Variants in TTC39A observed in about 807,000 individuals in gnomAD.
TTC39A encodes the protein tetratricopeptide repeat domain 39A.
A neutral mutation model predicts 82.3 loss-of-function variants in TTC39A; 46 were observed. The ratio of observed to expected loss-of-function variants is 0.56; its 90% CI spans 0.44 to 0.71. The LOEUF (loss-of-function observed/expected upper bound fraction) is 0.71. TTC39A is among the 30% of genes least tolerant of loss of function. The pLI, the probability that TTC39A is intolerant of heterozygous loss-of-function variation, is 0.00. For synonymous variants in TTC39A, 254 were observed against 275.2 expected, an observed-to-expected ratio of 0.92 and a Z score of 0.76; for missense variants, 543 against 712.9, an observed-to-expected ratio of 0.76 and a Z score of 2.71.
rs375908904 is a variant in TTC39A, at chr1:51,312,145, C to T, written c.329G>A (p.Arg110His). The change falls in exon 4 of 18, where the codon CGC becomes CAC. Residue 110 changes from arginine to histidine, a missense_variant. By Grantham distance (29) the Arg-to-His change is conservative. Coordinates refer to ENST00000680483, the MANE Select transcript of TTC39A (RefSeq NM_001297663.2). Reference sequence around the variant, plus strand: ...TTCAGTGAATTGGCCCAGCGTGGGGCGGTTCACCAGGCTGCTGAAGGAATC... The same window carrying T: ...TTCAGTGAATTGGCCCAGCGTGGGGTGGTTCACCAGGCTGCTGAAGGAATC... Reference protein sequence around the residue: ...VTDSFSSLVNRPTLGQFTEEE... With the variant: ...VTDSFSSLVNHPTLGQFTEEE... 24 of 1,611,556 alleles carry T rather than the reference C, an allele frequency of 1.5e-5. No homozygotes were observed. Among genetic ancestry groups the T allele is most frequent in the Non-Finnish European group, 1.9e-5 (22 of 1,179,002 alleles).
intron 16 of TTC39A, among the ~76,000 whole-genome samples, chr1:51,289,408 C>T (rs1394808711): frequency 3.3e-5 from 5 of 152,290 alleles, no homozygotes; most frequent in African/African-American, 1.2e-4. Context: ...AATCTTTTCT[C>T]TCTATGACTT....
intron 12 of TTC39A, 69 bp downstream of exon 12, chr1:51,301,503 G>A (rs1644653008): frequency 6.7e-7 from 1 of 1,502,428 alleles, no homozygotes; most frequent in Admixed American, 2.0e-5. Flanking sequence ...TTAGGGATTT[G>A]GCCCGTGGTC....
rs1226073105 is a variant in TTC39A at position 51,321,828 on chromosome 1, G to T, written c.42-3C>A. ...CATGGAGGCTGCTCTCAGGAGTCCT[G>T]GGGGAAGAGATGCGGGGCATGACAC... On this transcript the variant is annotated splice_region_variant and splice_polypyrimidine_tract_variant and intron_variant, in intron 1 of 17. Coordinates refer to ENST00000680483, the MANE Select transcript of TTC39A (RefSeq NM_001297663.2). The surrounding 1 kb of genome is among the most constrained non-coding windows in gnomAD (Gnocchi z 4.6). The T allele has an allele frequency of 6.2e-7, 1 of 1,612,180 alleles. No individual in the cohort carries two copies. The highest frequency in any genetic ancestry group is 1.3e-5 in the African/African-American group (1 of 74,856).
intron 7 of TTC39A, 69 bp downstream of exon 7, chr1:51,305,908 A>G: frequency 1.3e-6 from 2 of 1,487,312 alleles, no homozygotes; most frequent in Admixed American, 1.7e-5. Context: ...GTGACCACAC[A>G]TGAGTCAGGG....
At chr1:51,344,039 A>C (rs1164414539) in intron 1 of TTC39A, among the ~76,000 whole-genome samples, 1 of 152,112 alleles carries the variant, frequency 6.6e-6, no homozygotes, top group Non-Finnish European at 1.5e-5. Context: ...CTTTGAGAGA[A>C]GTTGGGAGGT....
At chr1:51,311,743 G>A (rs752711016) in intron 4 of TTC39A, among the ~76,000 whole-genome samples, 4 of 152,176 alleles carry the variant, frequency 2.6e-5, no homozygotes, top group Non-Finnish European at 5.9e-5. Flanking sequence ...CCATTGACTC[G>A]GCTGCTGAAA....
intron 7 of TTC39A, 97 bp downstream of exon 7, chr1:51,305,880 G>T (rs991540114): frequency 2.5e-6 from 3 of 1,223,898 alleles, no homozygotes; most frequent in Non-Finnish European, 3.6e-6. Context: ...ACACAGCCAG[G>T]TGCAGGGGCA....
At chr1:51,312,531 A>T (rs1569903034) in intron 3 of TTC39A, among the ~76,000 whole-genome samples, 2 of 151,824 alleles carry the variant, frequency 1.3e-5, no homozygotes, top group Admixed American at 6.6e-5. Context: ...TCCTCTCCTT[A>T]ATGTCTCTTC....
At chr1:51,325,384 C>T (rs1183767230) in intron 1 of TTC39A, among the ~76,000 whole-genome samples, 1 of 152,210 alleles carries the variant, frequency 6.6e-6, no homozygotes, top group African/African-American at 2.4e-5. Context: ...GGTCCCTGCC[C>T]CTCTCTTCAG....
intron 1 of TTC39A, among the ~76,000 whole-genome samples, chr1:51,342,307 C>T (rs533829360): frequency 1.3e-4 from 20 of 152,284 alleles, no homozygotes; most frequent in Non-Finnish European, 2.2e-4. Flanking sequence ...AATGCAAATA[C>T]CCTGGAAGGA....
chr1:51,326,171 T>C (rs1557741904), intron 1 of TTC39A, among the ~76,000 whole-genome samples: 1 of 152,138 alleles, frequency 6.6e-6, no homozygotes, highest in Non-Finnish European at 1.5e-5. Context: ...TGCTCAGGGC[T>C]GTGATCATGG....
chr1:51,290,770 T>A (rs1176586283), intron 14 of TTC39A, 145 bp from the exon 15 acceptor site: 2 of 644,686 alleles, frequency 3.1e-6, no homozygotes, highest in African/African-American at 1.8e-5. Flanking sequence ...AGTCAGCCTG[T>A]GAAGCTGTGG....
intron 14 of TTC39A, among the ~76,000 whole-genome samples, chr1:51,291,706 TTAGG>T (rs1644229257): frequency 6.7e-6 from 1 of 149,474 alleles, no homozygotes. Flanking sequence ...CTTGGGAGGC[TTAGG>T]TGGGAGGATC....
upstream of TTC39A, chr1:51,330,958 A>G (rs948103077): frequency 4.7e-6 from 3 of 643,950 alleles, no homozygotes; most frequent in South Asian, 5.3e-5. This position sits in a 1 kb window ranked among gnomAD's most constrained non-coding sequence, Gnocchi z 4.5. Flanking sequence ...CAGCCCCCAG[A>G]GTCAGGCCTG....
At position 51,296,059 on chromosome 1, in the gene TTC39A, G is replaced by C. The variant is rs374938188; in HGVS notation, c.1145+20C>G. On this transcript the variant is annotated intron_variant, in intron 13 of 17. Transcript: ENST00000680483. The stretch of plus-strand genomic sequence containing the variant: ...ACGGTGGGAGTGGCCTACACAGTGG[G>C]AGCACGATGTGGGACCCACCGAAAT... The C allele has an allele frequency of 2.6e-6, 4 of 1,561,282 alleles. No homozygotes were observed. Among genetic ancestry groups the C allele is most frequent in the Non-Finnish European group, 3.5e-6 (4 of 1,152,380 alleles).
chr1:51,293,571 C>T (rs1644302703), intron 14 of TTC39A, among the ~76,000 whole-genome samples: 1 of 152,158 alleles, frequency 6.6e-6, no homozygotes, highest in Admixed American at 6.5e-5. Context: ...GGGAACCGAC[C>T]TAAAGCTACT....
chr1:51,344,103 G>C (rs1324718323), intron 1 of TTC39A, among the ~76,000 whole-genome samples: 1 of 152,186 alleles, frequency 6.6e-6, no homozygotes, highest in East Asian at 1.9e-4. Flanking sequence ...AGGTGTCAGG[G>C]ATGACTCCCA....
At chr1:51,329,696 G>A (rs1252284731) in intron 1 of TTC39A, 1 of 152,364 alleles carries the variant, frequency 6.6e-6, no homozygotes, top group Non-Finnish European at 1.5e-5. Flanking sequence ...CCTCCCAGCA[G>A]TCAGGGCTCC....
chr1:51,330,929 G>T (rs1645895961), upstream of TTC39A: 1 of 618,326 alleles, frequency 1.6e-6, no homozygotes, highest in African/African-American at 1.8e-5. The surrounding 1 kb of genome is among the most constrained non-coding windows in gnomAD (Gnocchi z 4.5). Context: ...ATTAATGGGG[G>T]CATTCGTGCA....
Sources: allele counts gnomAD v4.1 joint callset (sites outside exome capture counted in the v4.1 genomes callset), GRCh38; gene constraint gnomAD v4.1.1; non-coding constraint Gnocchi (gnomAD v3.1); transcripts MANE v1.5; gene names NCBI Gene and HGNC (gene_info 2026-07-23, HGNC 2026-07-21).